The following SLC39A11 variants were observed in gnomAD, a reference collection of about 807,000 sequenced individuals.
SLC39A11 encodes zinc transporter ZIP11.
SLC39A11 carries 33 observed loss-of-function variants against 36.1 expected under a neutral mutation model. The observed-to-expected ratio is 0.91, with a 90% CI of 0.69 to 1.22. The LOEUF is 1.22. Among genes scored for constraint, SLC39A11 ranks in the 50% most tolerant of loss-of-function variants. SLC39A11 has a pLI of 0.00. For synonymous variants in SLC39A11, 166 were observed against 170.3 expected, an observed-to-expected ratio of 0.97 and a Z score of 0.20; for missense variants, 432 against 430.3, an observed-to-expected ratio of 1.00 and a Z score of -0.03.
intron 7 of SLC39A11, among the ~76,000 whole-genome samples, chr17:72,720,997 C>T (rs946655924): frequency 6.6e-6 from 1 of 152,100 alleles, no homozygotes; most frequent in Non-Finnish European, 1.5e-5. Flanking sequence ...CCTGCCTGGC[C>T]AGGTCGCCTC....
chr17:72,944,248 C>T (rs146078567), intron 5 of SLC39A11, among the ~76,000 whole-genome samples: 56 of 152,270 alleles, frequency 3.7e-4, no homozygotes, highest in African/African-American at 1.3e-3. Flanking sequence ...CTGTGTGCAT[C>T]GGGCAGCAAG....
At chr17:72,678,491 G>A (rs548596034) in intron 7 of SLC39A11, among the ~76,000 whole-genome samples, 2 of 152,244 alleles carry the variant, frequency 1.3e-5, no homozygotes, top group South Asian at 2.1e-4. Context: ...CAGATCACAA[G>A]GTCAGGAGTT....
chr17:72,892,613 C>A (rs1009319652), intron 5 of SLC39A11, among the ~76,000 whole-genome samples: 2 of 152,026 alleles, frequency 1.3e-5, no homozygotes, highest in Non-Finnish European at 2.9e-5. Context: ...TATTTTTTGC[C>A]TGTCTTTTCC....
intron 4 of SLC39A11, among the ~76,000 whole-genome samples, chr17:72,977,984 C>G (rs2087986661): frequency 6.6e-6 from 1 of 152,192 alleles, no homozygotes; most frequent in African/African-American, 2.4e-5. Context: ...ACCGGGTCAC[C>G]AGAGAAAAAC....
chr17:72,991,052 CCA>C (rs1249162020), intron 4 of SLC39A11, among the ~76,000 whole-genome samples: 18 of 152,262 alleles, frequency 1.2e-4, no homozygotes, highest in African/African-American at 4.1e-4. Flanking sequence ...AGATGTAAGT[CCA>C]CGTACCAACG....
chr17:72,842,291 A>C (rs9895406), intron 6 of SLC39A11, among the ~76,000 whole-genome samples: 58,200 of 152,138 alleles, frequency 0.38, 13,664 homozygotes, highest in Non-Finnish European at 0.51. Flanking sequence ...TTTGTTAAAT[A>C]AATGAAATTA....
chr17:72,798,414 C>CTTTTTTTT lies in SLC39A11; in HGVS notation c.601+51219_601+51220insAAAAAAAA, dbSNP rs145211486. 1.7e-3 allele frequency among the ~76,000 whole-genome samples: 240 copies of CTTTTTTTT among 140,428 alleles called. 10 individuals are homozygous for CTTTTTTTT. Among genetic ancestry groups the CTTTTTTTT allele is most frequent in the Non-Finnish European group, 2.8e-3 (184 of 64,730 alleles). 92.1% of individuals were successfully genotyped at this position (140,428 alleles called of 152,430 possible). A position where few individuals can be genotyped will look rare whatever the true frequency, so the allele number is the denominator to read the frequency against. ...GAGCTCTGGTCTCTTCCACTTCTTT[C>CTTTTTTTT]TTTCTTTTTTTTTTTTTGAGATGGA... On this transcript the variant is annotated intron_variant, in intron 6 of 9. Transcript: ENST00000255559.
At chr17:72,670,046 G>A (rs111210807) in intron 7 of SLC39A11, among the ~76,000 whole-genome samples, 63,581 of 136,680 alleles carry the variant, frequency 0.47, 14,568 homozygotes, top group African/African-American at 0.5. Flanking sequence ...ATATATATAC[G>A]TATAGATGTA....
chr17:73,077,698 T>C lies in SLC39A11; in HGVS notation c.147+7110A>G, dbSNP rs75519161. ...ACACACATAATCTTTAGAGTCTCTT[T>C]CTTTCTACCGACTACTTTAAAAGTC... On this transcript the variant is annotated intron_variant, in intron 3 of 9. Transcript: ENST00000255559. 7.4e-3 allele frequency among the ~76,000 whole-genome samples: 1,128 copies of C among 152,310 alleles called. 6 individuals are homozygous for C. Among genetic ancestry groups the C allele is most frequent in the African/African-American group, 0.026 (1,064 of 41,562 alleles).
chr17:73,088,497 G>T (rs1249634353), intron 2 of SLC39A11, among the ~76,000 whole-genome samples, 160 bp downstream of exon 2: 2 of 152,050 alleles, frequency 1.3e-5, no homozygotes, highest in African/African-American at 4.8e-5. Flanking sequence ...CAGGGAGAAG[G>T]TGAGAAAATA....
intron 7 of SLC39A11, among the ~76,000 whole-genome samples, chr17:72,656,758 C>T (rs1391372188): frequency 4.6e-5 from 7 of 152,086 alleles, no homozygotes; most frequent in African/African-American, 9.7e-5. Flanking sequence ...ACCAGAGAAC[C>T]GCGAGGAAGG....
intron 4 of SLC39A11, among the ~76,000 whole-genome samples, chr17:72,971,756 C>A (rs1490890875): frequency 6.7e-6 from 1 of 149,080 alleles, no homozygotes; most frequent in African/African-American, 2.5e-5. Context: ...AGTCTACCTA[C>A]ACAAGTGGGC....
chr17:73,049,065 G>T (rs779701099), intron 3 of SLC39A11, among the ~76,000 whole-genome samples: 1 of 152,248 alleles, frequency 6.6e-6, no homozygotes, highest in African/African-American at 2.4e-5. Flanking sequence ...CTATGTATAA[G>T]TGAGCTGCTA....
At chr17:72,683,838 C>A (rs1467212968) in intron 7 of SLC39A11, among the ~76,000 whole-genome samples, 1 of 151,910 alleles carries the variant, frequency 6.6e-6, no homozygotes, top group Non-Finnish European at 1.5e-5. Flanking sequence ...CCATCACTTA[C>A]ATTTTCCTAG....
In SLC39A11 at chr17:72,959,307, A is replaced by ATGTGTG. The variant is rs1209512668; in HGVS notation, c.307-11433_307-11432insCACACA. 4.5e-4 allele frequency among the ~76,000 whole-genome samples: 52 copies of ATGTGTG among 116,502 alleles called. 1 individual carries two copies. The highest frequency in any genetic ancestry group is 1.6e-3 in the African/African-American group (44 of 27,430). 76.4% of individuals were successfully genotyped at this position (116,502 alleles called of 152,430 possible). On this transcript the variant is annotated intron_variant, in intron 4 of 9. Transcript: ENST00000255559. ...AATGAGTGGACAAAGAAACTGGTGT[A>ATGTGTG]TGTATGTGTGTGTGTGTGTATATAT...
At chr17:72,894,687 A>T (rs2146791627) in intron 5 of SLC39A11, among the ~76,000 whole-genome samples, 1 of 151,166 alleles carries the variant, frequency 6.6e-6, no homozygotes, top group South Asian at 2.1e-4. Flanking sequence ...AAAAAAAAAA[A>T]TTCTAGAGGG....
chr17:72,753,522 A>ATAT (rs2075235942), intron 6 of SLC39A11, among the ~76,000 whole-genome samples: 1 of 152,196 alleles, frequency 6.6e-6, no homozygotes, highest in Non-Finnish European at 1.5e-5. Flanking sequence ...TGAGCATGAT[A>ATAT]AATATGCTCT....
intron 6 of SLC39A11, chr17:72,823,606 C>A (rs2077887729): frequency 1.3e-5 from 2 of 151,488 alleles, no homozygotes; most frequent in Admixed American, 1.3e-4. Context: ...ATCACCAACA[C>A]CTGATATCAT....
intron 7 of SLC39A11, among the ~76,000 whole-genome samples, chr17:72,661,957 T>G (rs947801482): frequency 1.3e-5 from 2 of 152,152 alleles, no homozygotes; most frequent in Non-Finnish European, 2.9e-5. Flanking sequence ...TTCTATGGGA[T>G]CACTGACTCC....
Sources: gnomAD v4.1 joint callset for allele counts (sites outside exome capture counted in the v4.1 genomes callset) on GRCh38, gnomAD v4.1.1 for gene constraint, MANE v1.5 for transcripts, NCBI Gene and HGNC (gene_info 2026-07-23, HGNC 2026-07-21) for gene names.